The following FRAS1 variants were observed in gnomAD, a reference collection of about 807,000 sequenced individuals.
FRAS1 encodes the protein Fraser extracellular matrix complex subunit 1, also known as extracellular matrix organizing protein FRAS1.
A neutral mutation model predicts 435.2 loss-of-function variants in FRAS1; 290 were observed. The observed-to-expected ratio is 0.67, with a 90% CI of 0.61 to 0.73. The LOEUF (loss-of-function observed/expected upper bound fraction) is 0.73. Among genes scored for constraint, FRAS1 ranks in the 30% least tolerant of loss-of-function variants. The pLI, the probability that FRAS1 is intolerant of heterozygous loss-of-function variation, is 0.00. For missense variants in FRAS1, 4,860 were observed against 5,001.5 expected, an observed-to-expected ratio of 0.97 and a Z score of 0.85; for synonymous variants, 1,800 against 1,851.0, an observed-to-expected ratio of 0.97 and a Z score of 0.71.
chr4:78,436,602 C>T (rs1734438151), intron 38 of FRAS1, among the ~76,000 whole-genome samples: 1 of 152,072 alleles, frequency 6.6e-6, no homozygotes, highest in Non-Finnish European at 1.5e-5. Flanking sequence ...GGTCTACTAA[C>T]TTGACAGAAT....
At chr4:78,394,734 T>C (rs1377132006) in intron 29 of FRAS1, among the ~76,000 whole-genome samples, 1 of 152,086 alleles carries the variant, frequency 6.6e-6, no homozygotes, top group Non-Finnish European at 1.5e-5. Context: ...TTTCTGTTTC[T>C]GTGTAAAATG....
At chr4:78,394,629 AT>A (rs1732583321) in intron 29 of FRAS1, among the ~76,000 whole-genome samples, 2 of 151,974 alleles carry the variant, frequency 1.3e-5, no homozygotes, top group Admixed American at 1.3e-4. Flanking sequence ...GTAATTTGGA[AT>A]TAGAAAGTGT....
At position 78,092,521 on chromosome 4, in the gene FRAS1, A is replaced by G. The variant is rs1460421624; in HGVS notation, c.108+26505A>G. On this transcript the variant is annotated intron_variant, in intron 2 of 73. Transcript: ENST00000512123. ...ACAGCTCTCATGAGACCCAGTCACT[A>G]TCACAGACGCGAACAGCATGGGAAA... Among the ~76,000 whole-genome samples, 10 of 152,324 alleles carry G rather than the reference A, an allele frequency of 6.6e-5. No homozygotes were observed. In the South Asian group the frequency reaches 8.3e-4, roughly 13 times the overall value.
chr4:78,466,462 T>G, intron 50 of FRAS1, 27 bp downstream of exon 50: 11 of 1,554,116 alleles, frequency 7.1e-6, no homozygotes, highest in Non-Finnish European at 8.0e-6. Context: ...CTGGAGGAGG[T>G]AGCCTAGCAC....
chr4:78,410,935 A>G (rs1733309017), intron 31 of FRAS1, among the ~76,000 whole-genome samples: 1 of 152,214 alleles, frequency 6.6e-6, no homozygotes, highest in Non-Finnish European at 1.5e-5. Flanking sequence ...TTGATTTGAA[A>G]TGAGATAGAC....
chr4:78,349,910 C>A lies in FRAS1; in HGVS notation c.2422+12093C>A, dbSNP rs1288841962. On this transcript the variant is annotated intron_variant, in intron 20 of 73. Transcript: ENST00000512123. ...AGTCATGCCAAAATGTAAAGACCAT[C>A]GAGACTAGGAAGAAACTGCATCAAC... 1.2e-4 allele frequency among the ~76,000 whole-genome samples: 4 copies of A among 33,550 alleles called. 1 individual carries two copies. Among genetic ancestry groups the A allele is most frequent in the African/African-American group, 6.2e-4 (2 of 3,234 alleles). The allele number at this position is 33,550 out of a possible 152,430, so 22.0% of individuals were successfully genotyped here.
chr4:78,335,467 T>G (rs1218129125), intron 19 of FRAS1, among the ~76,000 whole-genome samples: 1 of 152,184 alleles, frequency 6.6e-6, no homozygotes, highest in East Asian at 1.9e-4. Flanking sequence ...TCACCTAACC[T>G]AAGAAGTCTC....
At chr4:78,158,499 G>A (rs552858718) in intron 2 of FRAS1, among the ~76,000 whole-genome samples, 1 of 151,992 alleles carries the variant, frequency 6.6e-6, no homozygotes, top group African/African-American at 2.4e-5. Context: ...ATGTTATGGT[G>A]TATAGAAATG....
At chr4:78,291,459 T>G (rs1455501624) in intron 14 of FRAS1, among the ~76,000 whole-genome samples, 1 of 152,186 alleles carries the variant, frequency 6.6e-6, no homozygotes, top group Non-Finnish European at 1.5e-5. Flanking sequence ...GCTTGCCTCC[T>G]GTTGTGTGGC....
At chr4:78,498,968 C>A (rs547503574) in intron 60 of FRAS1, among the ~76,000 whole-genome samples, 31 of 152,122 alleles carry the variant, frequency 2.0e-4, no homozygotes, top group Non-Finnish European at 4.0e-4. Flanking sequence ...CCACCTCAAC[C>A]TCCTGAGTAG....
intron 34 of FRAS1, 63 bp from the exon 35 acceptor site, chr4:78,424,325 C>T: frequency 1.2e-6 from 1 of 844,880 alleles, no homozygotes; most frequent in East Asian, 3.1e-5. Flanking sequence ...TGTTTTGTAC[C>T]TTTCCTATCT....
In FRAS1 at chr4:78,182,031, G is replaced by C. The variant is rs942691746; in HGVS notation, c.109-55479G>C. ...GTGACCACACAGCCGAAGCCTTCCT[G>C]TAAGTGCCCAGGCATGATGGTGGCT... is the stretch of plus-strand genomic sequence containing the variant. On this transcript the variant is annotated intron_variant, in intron 2 of 73. Transcript: ENST00000512123. 3 of 1,525,144 alleles carry C rather than the reference G, an allele frequency of 2.0e-6. No homozygotes were observed. In the African/African-American group the frequency reaches 4.2e-5, roughly 21 times the overall value. The allele number at this position is 1,525,144 out of a possible 1,614,324, so 94.5% of individuals were successfully genotyped here. A position where few individuals can be genotyped will look rare whatever the true frequency, so the allele number is the denominator to read the frequency against.
chr4:78,416,902 G>C (rs1733576949), intron 32 of FRAS1, among the ~76,000 whole-genome samples: 1 of 152,078 alleles, frequency 6.6e-6, no homozygotes, highest in Non-Finnish European at 1.5e-5. Flanking sequence ...GTGGCAGTGG[G>C]GTGGGCGAAA....
chr4:78,209,973 T>G (rs1578186535), intron 2 of FRAS1, among the ~76,000 whole-genome samples: 1 of 152,070 alleles, frequency 6.6e-6, no homozygotes, highest in African/African-American at 2.4e-5. Context: ...CTGTCTGGGG[T>G]TCAAATAGCA....
At chr4:78,097,008 A>G (rs1358549670) in intron 2 of FRAS1, among the ~76,000 whole-genome samples, 1 of 152,170 alleles carries the variant, frequency 6.6e-6, no homozygotes, top group Non-Finnish European at 1.5e-5. Context: ...ATAAAACTGA[A>G]TGCCTTTAAC....
intron 7 of FRAS1, 76 bp from the exon 8 acceptor site, chr4:78,266,758 G>GTCT: frequency 9.3e-7 from 1 of 1,077,770 alleles, no homozygotes; most frequent in Non-Finnish European, 1.4e-6. Flanking sequence ...AAAATTGGGT[G>GTCT]TCTTATGTGA....
At chr4:78,159,835 C>T (rs956962930) in intron 2 of FRAS1, among the ~76,000 whole-genome samples, 1 of 152,142 alleles carries the variant, frequency 6.6e-6, no homozygotes, top group Non-Finnish European at 1.5e-5. Context: ...GAGCTGAGAT[C>T]ATGTCATTGC....
In FRAS1 at chr4:78,255,172, G is replaced by A. The variant is rs535594298; in HGVS notation, c.470-70G>A. 14 of 1,500,896 alleles carry A rather than the reference G, an allele frequency of 9.3e-6. No individual in the cohort carries two copies. In the African/African-American group the frequency reaches 1.2e-4, roughly 13 times the overall value. The allele number at this position is 1,500,896 out of a possible 1,614,324, so 93.0% of individuals were successfully genotyped here. A position where few individuals can be genotyped will look rare whatever the true frequency, so the allele number is the denominator to read the frequency against. ...TTCTGACCAACTGCACTGGCTGCAC[G>A]CCCATGCAGTCAGCCCTGGGATCAA... On this transcript the variant is annotated intron_variant, in intron 5 of 73. Coordinates refer to ENST00000512123, the MANE Select transcript of FRAS1 (RefSeq NM_025074.7).
intron 17 of FRAS1, among the ~76,000 whole-genome samples, chr4:78,318,563 T>TTTG (rs1219942413): frequency 6.6e-6 from 1 of 152,168 alleles, no homozygotes; most frequent in African/African-American, 2.4e-5. Flanking sequence ...CATTTGTTTG[T>TTTG]TTGTTGTTGT....
Sources: allele counts gnomAD v4.1 joint callset (sites outside exome capture counted in the v4.1 genomes callset), GRCh38; gene constraint gnomAD v4.1.1; transcripts MANE v1.5; gene names NCBI Gene and HGNC (gene_info 2026-07-23, HGNC 2026-07-21).